The following PIK3CB variants were observed in gnomAD, a reference collection of about 807,000 sequenced individuals.
PIK3CB encodes the protein phosphatidylinositol-4,5-bisphosphate 3-kinase catalytic subunit beta, also known as phosphatidylinositol 4,5-bisphosphate 3-kinase catalytic subunit beta isoform.
A neutral mutation model predicts 136.8 loss-of-function variants in PIK3CB; 39 were observed. The observed-to-expected ratio is 0.29, with a 90% CI of 0.22 to 0.37. The LOEUF (loss-of-function observed/expected upper bound fraction) is 0.37, where lower values mean the gene tolerates loss of function less well. Ranked by LOEUF, PIK3CB falls within the 10% of genes least tolerant of loss-of-function variation. The pLI is 1.00. For synonymous variants in PIK3CB, 428 were observed against 436.6 expected, an observed-to-expected ratio of 0.98 and a Z score of 0.25; for missense variants, 868 against 1,275.4, an observed-to-expected ratio of 0.68 and a Z score of 4.87.
intron 2 of PIK3CB, among the ~76,000 whole-genome samples, chr3:138,780,372 G>A (rs1048824989): frequency 4.6e-5 from 7 of 152,108 alleles, no homozygotes; most frequent in Admixed American, 2.0e-4. Flanking sequence ...CAGGGTTCAA[G>A]TGATTCTCCT....
At chr3:138,819,242 G>A (rs921265546) in intron 1 of PIK3CB, among the ~76,000 whole-genome samples, 2 of 152,042 alleles carry the variant, frequency 1.3e-5, no homozygotes, top group Admixed American at 6.6e-5. Flanking sequence ...AGCTACTCAG[G>A]AGGCTGAGGC....
intron 1 of PIK3CB, among the ~76,000 whole-genome samples, chr3:138,818,807 A>G (rs760502301): frequency 1.3e-5 from 2 of 152,234 alleles, no homozygotes; most frequent in Non-Finnish European, 2.9e-5. Flanking sequence ...AAATGTATAC[A>G]TAATACAAAC....
chr3:138,723,086 G>A (rs361058), intron 8 of PIK3CB, among the ~76,000 whole-genome samples: 84,105 of 148,464 alleles, frequency 0.57, 24,254 homozygotes, highest in East Asian at 0.98. Flanking sequence ...CCAATAAAAA[G>A]AAAAGAAGCA....
chr3:138,718,403 T>C (rs753852745), intron 8 of PIK3CB, among the ~76,000 whole-genome samples: 14 of 152,214 alleles, frequency 9.2e-5, no homozygotes, highest in Admixed American at 2.0e-4. Context: ...AAATTCCTTA[T>C]AGATACTGGC....
At chr3:138,772,193 G>C (rs1233038929) in intron 2 of PIK3CB, among the ~76,000 whole-genome samples, 1 of 152,020 alleles carries the variant, frequency 6.6e-6, no homozygotes, top group Non-Finnish European at 1.5e-5. Context: ...ATACACATTA[G>C]AATTAGAACT....
chr3:138,773,580 T>TAA (rs966720715), intron 2 of PIK3CB, among the ~76,000 whole-genome samples: 1 of 152,234 alleles, frequency 6.6e-6, no homozygotes, highest in Non-Finnish European at 1.5e-5. Context: ...TATGCCATTT[T>TAA]AAGTTACTTA....
rs2043779339 is a variant in PIK3CB at position 138,681,415 on chromosome 3, TAAATA to T, written c.2504+547_2504+551del. On this transcript the variant is annotated intron_variant, in intron 19 of 23. Coordinates refer to ENST00000674063, the MANE Select transcript of PIK3CB (RefSeq NM_006219.3). ...CTTATGTTCACTTCTATGGGCTCTT[TAAATA>T]TTTACCCCTTGTTCTGTTCATTGTG... 2.0e-5 allele frequency among the ~76,000 whole-genome samples: 3 copies of T among 152,344 alleles called. No individual in the cohort carries two copies. The East Asian group carries it at 5.8e-4, about 29-fold the overall frequency.
chr3:138,782,359 C>A lies in PIK3CB; in HGVS notation c.-17+14104G>T, dbSNP rs147614729. 3.0e-3 allele frequency among the ~76,000 whole-genome samples: 450 copies of A among 152,220 alleles called. 2 individuals carry two copies. Among genetic ancestry groups the A allele is most frequent in the African/African-American group, 0.01 (430 of 41,532 alleles). On this transcript the variant is annotated intron_variant, in intron 2 of 23. Transcript: ENST00000674063. ...CCTTCAAAATTGAATTGGAACAAGG[C>A]GAATGAAGAAACGATGGAAACACTT...
At chr3:138,779,453 C>T (rs143383239) in intron 2 of PIK3CB, among the ~76,000 whole-genome samples, 1,976 of 146,506 alleles carry the variant, frequency 0.013, 42 homozygotes, top group Middle Eastern at 0.051. Flanking sequence ...TACAGTGGCA[C>T]GATCTTGGCT....
At chr3:138,771,223 C>CT (rs34387538) in intron 2 of PIK3CB, among the ~76,000 whole-genome samples, 61,518 of 129,796 alleles carry the variant, frequency 0.47, 16,569 homozygotes, top group East Asian at 0.96. Flanking sequence ...TTCATTTTGC[C>CT]TTTTTTTTTT....
At chr3:138,685,613 C>T (rs989454762) in intron 16 of PIK3CB, among the ~76,000 whole-genome samples, 1 of 152,018 alleles carries the variant, frequency 6.6e-6, no homozygotes, top group African/African-American at 2.4e-5. Context: ...TTCTTGTCAT[C>T]ACTCTTGTAT....
intron 4 of PIK3CB, among the ~76,000 whole-genome samples, chr3:138,754,948 C>G (rs1248450613): frequency 6.6e-6 from 1 of 152,096 alleles, no homozygotes; most frequent in Non-Finnish European, 1.5e-5. Context: ...CTCTCTAAAG[C>G]AAGATATTGA....
chr3:138,667,300 G>A (rs939527960), intron 19 of PIK3CB, among the ~76,000 whole-genome samples: 3 of 151,344 alleles, frequency 2.0e-5, no homozygotes, highest in Admixed American at 1.3e-4. Context: ...GAAAGATGAG[G>A]AAGACACAGT....
At chr3:138,734,940 T>TA (rs370111010) in intron 6 of PIK3CB, 136 bp from the exon 7 acceptor site, 3,126 of 268,588 alleles carry the variant, frequency 0.012, 111 homozygotes, top group African/African-American at 0.064. Flanking sequence ...ATCAAGAAAT[T>TA]AAAAAAAAAA....
intron 1 of PIK3CB, among the ~76,000 whole-genome samples, chr3:138,830,465 A>G (rs1228171496): frequency 6.6e-6 from 1 of 152,130 alleles, no homozygotes; most frequent in Non-Finnish European, 1.5e-5. Flanking sequence ...AGGCAGGATA[A>G]TTCCTTGAAC....
At chr3:138,780,932 G>A (rs999955830) in intron 2 of PIK3CB, among the ~76,000 whole-genome samples, 7 of 151,956 alleles carry the variant, frequency 4.6e-5, no homozygotes, top group Admixed American at 1.3e-4. Flanking sequence ...CAATCCTCCC[G>A]CCTCAGCTTC....
At chr3:138,754,176 G>A (rs1006863636) in intron 4 of PIK3CB, among the ~76,000 whole-genome samples, 1 of 151,838 alleles carries the variant, frequency 6.6e-6, no homozygotes, top group Non-Finnish European at 1.5e-5. Flanking sequence ...AAAAATATTT[G>A]GGCCAGGTGC....
intron 10 of PIK3CB, 196 bp from the exon 11 acceptor site, chr3:138,707,485 T>C (rs567936696): frequency 7.5e-7 from 1 of 1,331,774 alleles, no homozygotes; most frequent in East Asian, 3.1e-5. Context: ...TTTGCATACA[T>C]GTTTTAAAAA....
intron 21 of PIK3CB, among the ~76,000 whole-genome samples, chr3:138,659,839 G>A (rs2043258334): frequency 7.5e-6 from 1 of 133,790 alleles, no homozygotes; most frequent in Admixed American, 7.5e-5. Flanking sequence ...TATATTATTT[G>A]CTTAGTAAGT....
Sources: allele counts gnomAD v4.1 joint callset (sites outside exome capture counted in the v4.1 genomes callset), GRCh38; gene constraint gnomAD v4.1.1; transcripts MANE v1.5; gene names NCBI Gene and HGNC (gene_info 2026-07-23, HGNC 2026-07-21).